The following TRIM67 variants were observed in gnomAD, a reference collection of about 807,000 sequenced individuals.
TRIM67 encodes tripartite motif-containing protein 67.
A neutral mutation model predicts 71.0 loss-of-function variants in TRIM67; 39 were observed. That is an observed-to-expected ratio of 0.55 (90% CI 0.43 to 0.72). The LOEUF is 0.72. Ranked by LOEUF, TRIM67 falls within the 30% of genes least tolerant of loss-of-function variation. The pLI is 0.00. For synonymous variants in TRIM67, 481 were observed against 473.9 expected, an observed-to-expected ratio of 1.01 and a Z score of -0.19; for missense variants, 973 against 1,079.2, an observed-to-expected ratio of 0.90 and a Z score of 1.38.
At position 231,217,222 on chromosome 1, in the gene TRIM67, G is replaced by A. The variant is rs1246319216; in HGVS notation, c.*1782G>A. ...TGTGGCCGGCAAGGCCAGCTGCCCC[G>A]TCTCCAGGAGCTGCTCGGTGCTGTG... is the stretch of plus-strand genomic sequence containing the variant. On this transcript the variant is annotated 3_prime_UTR_variant, in exon 10 of 10. Transcript: ENST00000366653. 35 of 986,084 alleles carry A rather than the reference G, an allele frequency of 3.5e-5. No homozygotes were observed. In the Admixed American group the frequency reaches 6.1e-4, roughly 17 times the overall value. 61.1% of individuals were successfully genotyped at this position (986,084 alleles called of 1,614,324 possible). A position where few individuals can be genotyped will look rare whatever the true frequency, so the allele number is the denominator to read the frequency against.
At chr1:231,206,915 G>A (rs1683718378) in intron 7 of TRIM67, 125 bp downstream of exon 7, 4 of 1,074,374 alleles carry the variant, frequency 3.7e-6, no homozygotes, top group East Asian at 5.7e-5. Flanking sequence ...GCACGGCTGG[G>A]TTCTCCAAGG....
intron 1 of TRIM67, among the ~76,000 whole-genome samples, chr1:231,196,153 G>A (rs953825123): frequency 1.3e-5 from 2 of 152,146 alleles, no homozygotes; most frequent in African/African-American, 4.8e-5. Flanking sequence ...AGGCGAGGGG[G>A]ATATTGCACA....
At chr1:231,172,842 A>C (rs774144305) in intron 1 of TRIM67, among the ~76,000 whole-genome samples, 3 of 152,234 alleles carry the variant, frequency 2.0e-5, no homozygotes, top group Non-Finnish European at 2.9e-5. Flanking sequence ...CAAGCCTCCT[A>C]AAATGAAGAG....
At chr1:231,211,050 A>ATATATT (rs1553328757) in intron 8 of TRIM67, among the ~76,000 whole-genome samples, 34 of 135,642 alleles carry the variant, frequency 2.5e-4, no homozygotes, top group East Asian at 1.1e-3. Flanking sequence ...ATATATATAT[A>ATATATT]TTTTGTTTGT....
chr1:231,207,841 G>A (rs946180684), intron 7 of TRIM67, among the ~76,000 whole-genome samples: 6 of 152,072 alleles, frequency 3.9e-5, no homozygotes, highest in African/African-American at 1.4e-4. Flanking sequence ...TTTAGAGTAA[G>A]GGACTCACTT....
At chr1:231,201,155 A>G (rs1683508629) in intron 4 of TRIM67, among the ~76,000 whole-genome samples, 1 of 152,246 alleles carries the variant, frequency 6.6e-6, no homozygotes, top group Non-Finnish European at 1.5e-5. Flanking sequence ...ATTATGAAAT[A>G]CGATTGAAAC....
At chr1:231,211,426 C>G (rs1194400177) in intron 8 of TRIM67, among the ~76,000 whole-genome samples, 3 of 152,148 alleles carry the variant, frequency 2.0e-5, no homozygotes, top group Non-Finnish European at 4.4e-5. Flanking sequence ...AAGTTGGACC[C>G]CAGAGCTGAC....
intron 1 of TRIM67, chr1:231,185,136 G>A (rs1558296297): frequency 1.3e-6 from 2 of 1,532,896 alleles, no homozygotes; most frequent in Middle Eastern, 2.3e-4. Context: ...TGGCTCAATG[G>A]GAAGTGTGTG....
intron 8 of TRIM67, among the ~76,000 whole-genome samples, chr1:231,211,768 G>A (rs57401731): frequency 6.6e-6 from 1 of 152,152 alleles, no homozygotes; most frequent in African/African-American, 2.4e-5. Flanking sequence ...GCGCTGCTAA[G>A]GTTAAGGCTA....
intron 1 of TRIM67, among the ~76,000 whole-genome samples, chr1:231,192,012 T>C (rs2102740128): frequency 6.6e-6 from 1 of 152,250 alleles, no homozygotes; most frequent in Non-Finnish European, 1.5e-5. Flanking sequence ...GGGCCACCCA[T>C]CTTTAGAGAG....
In TRIM67 at chr1:231,209,372, C is replaced by T. The variant is rs1360992290; in HGVS notation, c.2123+122C>T. ...AGGAATTGAGAGGAGGTATTTTCAGCCACTTTGGTCTCCATTTTCTAGGAG... is the reference window on the plus strand; with the variant it reads ...AGGAATTGAGAGGAGGTATTTTCAGTCACTTTGGTCTCCATTTTCTAGGAG... On this transcript the variant is annotated intron_variant, in intron 8 of 9. Coordinates refer to ENST00000366653, the MANE Select transcript of TRIM67 (RefSeq NM_001004342.5). This position sits in a 1 kb window ranked among gnomAD's most constrained non-coding sequence, Gnocchi z 4.1. 2 of 1,138,382 alleles carry T rather than the reference C, an allele frequency of 1.8e-6. No individual in the cohort carries two copies. The highest frequency in any genetic ancestry group is 1.9e-5 in the South Asian group (1 of 52,978). The allele number at this position is 1,138,382 out of a possible 1,614,324, so 70.5% of individuals were successfully genotyped here.
At chr1:231,185,032 A>T (rs1260219661) in intron 1 of TRIM67, 1 of 1,532,846 alleles carries the variant, frequency 6.5e-7, no homozygotes, top group African/African-American at 1.4e-5. Flanking sequence ...TTCTGCTTGC[A>T]GGGCCTAGGC....
chr1:231,163,599 G>T lies in TRIM67; in HGVS notation c.630G>T (p.Leu210=). The part of the protein sequence containing the change: ...SAAAAVAICQ[L]CDRTPPEPAA... The stretch of plus-strand genomic sequence containing the variant: ...CCGCGGCGGTGGCCATCTGCCAGCT[G>T]TGCGACCGCACCCCGCCAGAGCCAG... Residue 210 remains leucine (L), a synonymous_variant, in exon 1 of 10, where the codon CTG becomes CTT. Transcript: ENST00000366653. The T allele has an allele frequency of 6.6e-7, 1 of 1,517,418 alleles. No homozygotes were observed. The allele number at this position is 1,517,418 out of a possible 1,614,324, so 94.0% of individuals were successfully genotyped here.
At chr1:231,198,088 T>C (rs1683416041) in intron 2 of TRIM67, among the ~76,000 whole-genome samples, 1 of 152,236 alleles carries the variant, frequency 6.6e-6, no homozygotes, top group South Asian at 2.1e-4. Flanking sequence ...CTACGTGCCA[T>C]GTCGTCGTCC....
Position 231,209,627 on chromosome 1 carries a change from C to A in TRIM67, c.2123+377C>A, listed in dbSNP as rs931030649. On this transcript the variant is annotated intron_variant, in intron 8 of 9. Transcript: ENST00000366653. This position sits in a 1 kb window ranked among gnomAD's most constrained non-coding sequence, Gnocchi z 4.1. Reference sequence around the variant, plus strand: ...AGGGTGTTAATGGGCACCACTGGGGCTGGTGTCCTCACAGCTGTGACCAGG... The same window carrying A: ...AGGGTGTTAATGGGCACCACTGGGGATGGTGTCCTCACAGCTGTGACCAGG... 3.3e-5 allele frequency among the ~76,000 whole-genome samples: 5 copies of A among 152,220 alleles called. No individual in the cohort carries two copies. Among genetic ancestry groups the A allele is most frequent in the African/African-American group, 1.2e-4 (5 of 41,452 alleles).
rs765720044 is a variant in TRIM67 at position 231,203,854 on chromosome 1, G to T, written c.1535-13G>T. ...GGGCTTCCTGCGCTAACTCATGTGT[G>T]TCCCCCTCGCAGTGCCACCCGTCCC... On this transcript the variant is annotated splice_polypyrimidine_tract_variant and intron_variant, in intron 5 of 9. Transcript: ENST00000366653. The T allele has an allele frequency of 6.2e-7, 1 of 1,611,014 alleles. No homozygotes were observed. The highest frequency in any genetic ancestry group is 1.7e-5 in the Admixed American group (1 of 59,902).
rs1683624328 is a variant in TRIM67 at position 231,203,965 on chromosome 1, G to A, written c.1633G>A (p.Asp545Asn). ...GCCACCCTTCACCCACAGCCCCGTG[G>A]ACGGCTACATCCTGGAGCTGGACGA... is the stretch of plus-strand genomic sequence containing the variant. ...RMPPFTHSPVDGYILELDDGA... is the reference protein window; with the variant it reads ...RMPPFTHSPVNGYILELDDGA... Residue 545 changes from aspartate (D) to asparagine (N), a missense_variant, in exon 6 of 10, where the codon GAC becomes AAC. Around this residue, in one of 2 missense-constraint regions of TRIM67, gnomAD observed 795 missense variants for 831.3 expected, o/e 0.96. Transcript: ENST00000366653. 3 of 1,613,882 alleles carry A rather than the reference G, an allele frequency of 1.9e-6. No homozygotes were observed. Among genetic ancestry groups the A allele is most frequent in the South Asian group, 2.2e-5 (2 of 91,086 alleles).
chr1:231,163,988 TG>T lies in TRIM67; in HGVS notation c.1024del (p.Ala342ProfsTer14). On this transcript the variant is annotated frameshift_variant, in exon 1 of 10. Coordinates refer to ENST00000366653, the MANE Select transcript of TRIM67 (RefSeq NM_001004342.5). LOFTEE classifies it high-confidence loss of function. ...CACGCCAAGCACGAGGTGAAGCCGC[TG>T]GGGGCCATGTGGAAGCAGCACAAGG... Reference protein sequence around the residue: ...GRHAKHEVKPLGAMWKQHKAQ... With the variant: ...GRHAKHEVKPXGAMWKQHKAQ... 2 of 1,569,012 alleles carry T rather than the reference TG, an allele frequency of 1.3e-6. No individual in the cohort carries two copies. Among genetic ancestry groups the T allele is most frequent in the Admixed American group, 1.8e-5 (1 of 54,936 alleles).
At position 231,203,885 on chromosome 1, in the gene TRIM67, T is replaced by C. The variant is rs1430224329; in HGVS notation, c.1553T>C (p.Leu518Pro). Residue 518 changes from leucine to proline, a missense_variant, in exon 6 of 10, where the codon CTG (leucine) becomes CCG (proline). By Grantham distance (98) the Leu-to-Pro change is moderately conservative (BLOSUM62 -3). Coordinates refer to ENST00000366653, the MANE Select transcript of TRIM67 (RefSeq NM_001004342.5). ...MKCRVPPVPL[L>P]QLEKCCTRNN... The stretch of plus-strand genomic sequence containing the variant: ...CTCGCAGTGCCACCCGTCCCCCTAC[T>C]GCAGCTGGAGAAATGCTGCACCCGT... 5.0e-6 allele frequency: 8 copies of C among 1,613,726 alleles called. No homozygotes were observed. The highest frequency in any genetic ancestry group is 3.3e-5 in the Admixed American group (2 of 60,018).
Sources: gnomAD v4.1 joint callset for allele counts (sites outside exome capture counted in the v4.1 genomes callset) on GRCh38, gnomAD v4.1.1 for gene constraint, gnomAD v4.1.1 regional missense constraint, Gnocchi (gnomAD v3.1) non-coding constraint, MANE v1.5 for transcripts, NCBI Gene and HGNC (gene_info 2026-07-23, HGNC 2026-07-21) for gene names.